The following GALNT18 variants were observed in gnomAD, a reference collection of about 807,000 sequenced individuals.
GALNT18 encodes the protein GalNAc-transferase 18.
A neutral mutation model predicts 69.5 loss-of-function variants in GALNT18; 44 were observed. That is an observed-to-expected ratio of 0.63 (90% CI 0.50 to 0.81). The LOEUF (loss-of-function observed/expected upper bound fraction) is 0.81. Ranked by LOEUF, GALNT18 falls within the 40% of genes least tolerant of loss-of-function variation. The pLI is 0.00. For missense variants in GALNT18, 715 were observed against 810.0 expected (o/e 0.88, Z 1.42); for synonymous variants, 364 against 318.2 (o/e 1.14, Z -1.53).
chr11:11,283,653 TG>T (rs1849133752), intron 10 of GALNT18, among the ~76,000 whole-genome samples: 1 of 152,204 alleles, frequency 6.6e-6, no homozygotes, highest in South Asian at 2.1e-4. Context: ...AGACCTGGGC[TG>T]GCCCCTCCCT....
rs887963297 is a variant in GALNT18 at position 11,582,336 on chromosome 11, A to G, written c.235+39023T>C. On this transcript the variant is annotated intron_variant, in intron 1 of 10. Coordinates refer to ENST00000227756, the MANE Select transcript of GALNT18 (RefSeq NM_198516.3). This position sits in a 1 kb window ranked among gnomAD's most constrained non-coding sequence, Gnocchi z 5.0. ...AGGAGGCAAAGGGCCTTTGTTCCCAATCATTCACTGCCCCTCCCTATAAGA... is the reference window on the plus strand; with the variant it reads ...AGGAGGCAAAGGGCCTTTGTTCCCAGTCATTCACTGCCCCTCCCTATAAGA... Among the ~76,000 whole-genome samples, 2 of 152,222 alleles carry G rather than the reference A, an allele frequency of 1.3e-5. No homozygotes were observed. Among genetic ancestry groups the G allele is most frequent in the African/African-American group, 4.8e-5 (2 of 41,460 alleles).
intron 1 of GALNT18, among the ~76,000 whole-genome samples, chr11:11,561,051 T>C (rs968958729): frequency 2.0e-5 from 3 of 152,242 alleles, no homozygotes; most frequent in African/African-American, 7.2e-5. Context: ...AGACCTGCAG[T>C]GAAAACTATA....
intron 9 of GALNT18, among the ~76,000 whole-genome samples, chr11:11,303,389 G>A (rs1243387125): frequency 6.6e-6 from 1 of 152,158 alleles, no homozygotes; most frequent in African/African-American, 2.4e-5. Context: ...CTTGGCTCAT[G>A]TTTCCACTGC....
At chr11:11,567,642 C>T (rs1056176290) in intron 1 of GALNT18, among the ~76,000 whole-genome samples, 33 of 152,212 alleles carry the variant, frequency 2.2e-4, no homozygotes, top group African/African-American at 8.0e-4. Flanking sequence ...ATGCCCATCA[C>T]TGCCTCTGCA....
intron 1 of GALNT18, among the ~76,000 whole-genome samples, chr11:11,537,962 A>G (rs1264611138): frequency 6.6e-6 from 1 of 152,196 alleles, no homozygotes; most frequent in Non-Finnish European, 1.5e-5. Context: ...TCCATGGCCA[A>G]TTTTAATCTA....
intron 9 of GALNT18, among the ~76,000 whole-genome samples, chr11:11,302,793 G>A (rs1004830887): frequency 1.3e-5 from 2 of 152,192 alleles, no homozygotes; most frequent in African/African-American, 2.4e-5. Context: ...CAAGTGCTCT[G>A]GAGACGCAGT....
At chr11:11,343,548 C>T (rs1214848734) in intron 6 of GALNT18, among the ~76,000 whole-genome samples, 1 of 152,004 alleles carries the variant, frequency 6.6e-6, no homozygotes, top group Non-Finnish European at 1.5e-5. Flanking sequence ...GAGAAGGTGG[C>T]GGTGAAGGCC....
rs184432411 is a variant in GALNT18 at position 11,582,189 on chromosome 11, G to A, written c.235+39170C>T. On this transcript the variant is annotated intron_variant, in intron 1 of 10. Transcript: ENST00000227756. This position sits in a 1 kb window ranked among gnomAD's most constrained non-coding sequence, Gnocchi z 5.0. ...GCATTCCCGAAAGAGGAAAGAGCAG[G>A]CAAAGGCTCTGAAGCAGGAACAAAG... Among the ~76,000 whole-genome samples, 3 of 152,302 alleles carry A rather than the reference G, an allele frequency of 2.0e-5. No homozygotes were observed. The highest frequency in any genetic ancestry group is 3.9e-4 in the East Asian group (2 of 5,176).
intron 1 of GALNT18, among the ~76,000 whole-genome samples, chr11:11,468,148 T>C (rs1856191031): frequency 6.6e-6 from 1 of 152,244 alleles, no homozygotes; most frequent in South Asian, 2.1e-4. Context: ...TAAAATACCA[T>C]GCCTTCTTTC....
chr11:11,462,276 T>G (rs1262670003), intron 1 of GALNT18, among the ~76,000 whole-genome samples: 1 of 132,916 alleles, frequency 7.5e-6, no homozygotes, highest in Admixed American at 7.6e-5. Flanking sequence ...AGTCTTTTCT[T>G]TTTTTTTTTT....
At position 11,271,150 on chromosome 11, in the gene GALNT18, C is replaced by T. The variant is rs768953394; in HGVS notation, c.1818G>A (p.Ala606=). ...CGGAAGTGGCCCCGGTGGGTCAGGA[C>T]GCGAGGCTCCTCAGGACGTTGGTGA... ...WSITNVLRSL[A]S is the part of the protein sequence containing the mutation. Residue 606 remains alanine, a synonymous_variant, in exon 11 of 11, where the codon GCG becomes GCA. Transcript: ENST00000227756. 3.8e-5 allele frequency: 62 copies of T among 1,611,064 alleles called. No individual in the cohort carries two copies. In the East Asian group the frequency reaches 9.2e-4, roughly 24 times the overall value.
chr11:11,472,476 G>T (rs867823759), intron 1 of GALNT18, among the ~76,000 whole-genome samples: 8 of 152,164 alleles, frequency 5.3e-5, no homozygotes, highest in South Asian at 2.1e-4. Flanking sequence ...TAAAATGTTG[G>T]TAGTTCTTTC....
chr11:11,296,541 TTTC>T (rs367627049), intron 9 of GALNT18, among the ~76,000 whole-genome samples: 345 of 152,318 alleles, frequency 2.3e-3, no homozygotes, highest in African/African-American at 8.0e-3. Context: ...TTCCCATGTT[TTTC>T]TTCTTCTGTC....
At chr11:11,287,803 T>C (rs1849220896) in intron 10 of GALNT18, among the ~76,000 whole-genome samples, 1 of 152,098 alleles carries the variant, frequency 6.6e-6, no homozygotes, top group African/African-American at 2.4e-5. Context: ...GGAGGGTGTG[T>C]AGCTTGAGGG....
intron 1 of GALNT18, among the ~76,000 whole-genome samples, chr11:11,552,407 GAC>G (rs1473182669): frequency 3.3e-5 from 5 of 152,208 alleles, no homozygotes; most frequent in Admixed American, 2.0e-4. Flanking sequence ...TTCTCAAAAA[GAC>G]CAAGAGCTTC....
Position 11,309,219 on chromosome 11 carries a change from C to T in GALNT18, c.1513-16026G>A, listed in dbSNP as rs931966214. Among the ~76,000 whole-genome samples the T allele has an allele frequency of 1.3e-5, 2 of 152,186 alleles. No homozygotes were observed. The highest frequency in any genetic ancestry group is 4.8e-5 in the African/African-American group (2 of 41,450). On this transcript the variant is annotated intron_variant, in intron 9 of 10. Transcript: ENST00000227756. This position sits in a 1 kb window ranked among gnomAD's most constrained non-coding sequence, Gnocchi z 4.6. ...TGGGATGACACCACAAGAAGGCCCT[C>T]ACCGGATGCTGGCCCCTTGATATTG... is the stretch of plus-strand genomic sequence containing the variant.
Position 11,437,322 on chromosome 11 carries a change from A to G in GALNT18, c.429-4535T>C, listed in dbSNP as rs554841920. ...CTTGTTGAAAGCTGAGCCATTTTCC[A>G]CTAGAGATAAAAAAAACAAGGCATT... On this transcript the variant is annotated intron_variant, in intron 2 of 10. Coordinates refer to ENST00000227756, the MANE Select transcript of GALNT18 (RefSeq NM_198516.3). 2.2e-4 allele frequency among the ~76,000 whole-genome samples: 34 copies of G among 152,226 alleles called. No individual in the cohort carries two copies. The Middle Eastern group carries it at 0.014, about 61-fold the overall frequency.
At chr11:11,275,131 C>T (rs1439116215) in intron 10 of GALNT18, among the ~76,000 whole-genome samples, 2 of 152,232 alleles carry the variant, frequency 1.3e-5, no homozygotes, top group African/African-American at 4.8e-5. Flanking sequence ...CTGTCTTCCA[C>T]AATGGTTGAA....
At chr11:11,527,302 T>C (rs757106156) in intron 1 of GALNT18, among the ~76,000 whole-genome samples, 51 of 152,344 alleles carry the variant, frequency 3.3e-4, no homozygotes, top group Non-Finnish European at 6.0e-4. Flanking sequence ...AGACACTTTT[T>C]TGATCAAATG....
Sources: gnomAD v4.1 joint callset for allele counts (sites outside exome capture counted in the v4.1 genomes callset) on GRCh38, gnomAD v4.1.1 for gene constraint, Gnocchi (gnomAD v3.1) non-coding constraint, MANE v1.5 for transcripts, NCBI Gene and HGNC (gene_info 2026-07-23, HGNC 2026-07-21) for gene names.